Variants in CDHR1 observed in about 807,000 individuals in gnomAD.
CDHR1 encodes cadherin related family member 1.
A neutral mutation model predicts 72.1 loss-of-function variants in CDHR1; 61 were observed. The observed-to-expected ratio is 0.85, with a 90% CI of 0.69 to 1.05. CDHR1 has a LOEUF of 1.05. Ranked by LOEUF, CDHR1 falls within the 50% of genes least tolerant of loss-of-function variation. The pLI, the probability that CDHR1 is intolerant of heterozygous loss-of-function variation, is 0.00. For synonymous variants in CDHR1, 470 were observed against 448.1 expected, an observed-to-expected ratio of 1.05 and a Z score of -0.62; for missense variants, 1,186 against 1,115.7, an observed-to-expected ratio of 1.06 and a Z score of -0.90.
chr10:84,210,408 G>C (rs1372971285), intron 12 of CDHR1, among the ~76,000 whole-genome samples: 1 of 152,018 alleles, frequency 6.6e-6, no homozygotes, highest in African/African-American at 2.4e-5. Context: ...TGGGATTACA[G>C]ACACACATCA....
rs758271633 is a variant in CDHR1, at chr10:84,195,589, G to A, written c.151G>A (p.Gly51Ser). Residue 51 changes from glycine to serine, a missense_variant and splice_region_variant, in exon 2 of 17, where the codon GGC becomes AGC. By Grantham distance (56) the Gly-to-Ser change is moderately conservative. Transcript: ENST00000623527. ...CAGCCTCCCAGAGGACACCCCTGTA[G>A]GTGAGTAGCCCTGGCACCTGCTCCC... ...LFSLPEDTPV[G>S]SHVYTLNGTD... 3 of 1,613,138 alleles carry A rather than the reference G, an allele frequency of 1.9e-6. No homozygotes were observed. The highest frequency in any genetic ancestry group is 2.5e-6 in the Non-Finnish European group (3 of 1,179,176).
chr10:84,214,745 C>A lies in CDHR1; in HGVS notation c.*124C>A. The A allele has an allele frequency of 7.6e-6, 12 of 1,570,596 alleles. No individual in the cohort carries two copies. Among genetic ancestry groups the A allele is most frequent in the Non-Finnish European group, 1.0e-5 (12 of 1,166,292 alleles). On this transcript the variant is annotated 3_prime_UTR_variant, in exon 17 of 17. Transcript: ENST00000623527. ...CCCCTGTTTTGCACAATGGTATAATCCCCACTGTCCTCATCTCTACCGCCA... is the reference window on the plus strand; with the variant it reads ...CCCCTGTTTTGCACAATGGTATAATACCCACTGTCCTCATCTCTACCGCCA...
downstream of CDHR1, chr10:84,219,602 T>A: frequency 4.4e-6 from 1 of 228,854 alleles, no homozygotes; most frequent in East Asian, 8.3e-5. Flanking sequence ...TACCCGAGAC[T>A]GGGTAATTTA....
At chr10:84,195,688 C>A (rs970616879) in intron 2 of CDHR1, 99 bp downstream of exon 2, 1 of 958,128 alleles carries the variant, frequency 1.0e-6, no homozygotes, top group Admixed American at 2.0e-5. Context: ...TTGCTGCGCG[C>A]GCCCGGGGGC....
At chr10:84,208,425 C>A (rs1222576413) in intron 11 of CDHR1, 48 bp downstream of exon 11, 1 of 1,590,182 alleles carries the variant, frequency 6.3e-7, no homozygotes, top group South Asian at 1.1e-5. Context: ...CGGTATGAAG[C>A]CAAGGTCCCA....
In CDHR1 at chr10:84,194,724, T is replaced by TCGG; in HGVS notation, c.-29_-27dup. 2 of 1,460,530 alleles carry TCGG rather than the reference T, an allele frequency of 1.4e-6. No homozygotes were observed. The highest frequency in any genetic ancestry group is 2.8e-5 in the South Asian group (2 of 72,462). The allele number at this position is 1,460,530 out of a possible 1,614,324, so 90.5% of individuals were successfully genotyped here. ...ATGCTCCGTGCCCCTGCGCCCGGTC[T>TCGG]CGGCGGCGGCAGGCGACACTCCGCG... On this transcript the variant is annotated 5_prime_UTR_variant, in exon 1 of 17. Coordinates refer to ENST00000623527, the MANE Select transcript of CDHR1 (RefSeq NM_033100.4).
Position 84,215,259 on chromosome 10 carries a change from T to C in CDHR1, c.*638T>C, listed in dbSNP as rs1312826738. 2.3e-5 allele frequency: 23 copies of C among 990,226 alleles called. No individual in the cohort carries two copies. The highest frequency in any genetic ancestry group is 2.5e-5 in the Non-Finnish European group (21 of 832,926). 61.3% of individuals were successfully genotyped at this position (990,226 alleles called of 1,614,324 possible). A position where few individuals can be genotyped will look rare whatever the true frequency, so the allele number is the denominator to read the frequency against. On this transcript the variant is annotated 3_prime_UTR_variant, in exon 17 of 17. Transcript: ENST00000623527. The stretch of plus-strand genomic sequence containing the variant: ...TGGGCAGAGACTGTGGACCCTGGTA[T>C]GCCCACGTGGGACAGAGGACACAGA...
chr10:84,208,619 C>A, intron 11 of CDHR1, 110 bp from the exon 12 acceptor site: 4 of 1,214,324 alleles, frequency 3.3e-6, no homozygotes, highest in East Asian at 2.4e-5. Context: ...TGCAGAAACT[C>A]TCTTAATAAT....
At position 84,195,544 on chromosome 10, in the gene CDHR1, A is replaced by G. The variant is rs200661366; in HGVS notation, c.106A>G (p.Asn36Asp). Residue 36 changes from asparagine to aspartate, a missense_variant, in exon 2 of 17, where the codon AAC becomes GAC. Physicochemically the swap from Asn to Asp is conservative, Grantham distance 23. Transcript: ENST00000623527. ...CTTCGACAACGGGGTCGGCAGCACCAACGGAAACATGGCTCTGTTCAGCCT... is the reference window on the plus strand; with the variant it reads ...CTTCGACAACGGGGTCGGCAGCACCGACGGAAACATGGCTCTGTTCAGCCT... ...HFFDNGVGST[N>D]GNMALFSLPE... 125 of 1,614,170 alleles carry G rather than the reference A, an allele frequency of 7.7e-5. 1 individual carries two copies. The East Asian group carries it at 2.8e-3, about 36-fold the overall frequency.
intron 3 of CDHR1, 73 bp downstream of exon 3, chr10:84,196,723 G>A (rs986800960): frequency 1.9e-4 from 295 of 1,561,010 alleles, no homozygotes; most frequent in Admixed American, 5.3e-4. Flanking sequence ...AGTTCCCCTG[G>A]AGCACATTGG....
chr10:84,211,981 A>C (rs1385986898), intron 14 of CDHR1, among the ~76,000 whole-genome samples, 198 bp from the exon 15 acceptor site: 1 of 152,206 alleles, frequency 6.6e-6, no homozygotes, highest in Non-Finnish European at 1.5e-5. Flanking sequence ...TAAGCTGGAT[A>C]GTGATAGATG....
chr10:84,214,671 C>A lies in CDHR1; in HGVS notation c.*50C>A. ...TTCCTCCGCCCCTGACCCCCACCACCCTGCTGCTCGGACTATGCTCCCCTT... is the reference window on the plus strand; with the variant it reads ...TTCCTCCGCCCCTGACCCCCACCACACTGCTGCTCGGACTATGCTCCCCTT... On this transcript the variant is annotated 3_prime_UTR_variant, in exon 17 of 17. Coordinates refer to ENST00000623527, the MANE Select transcript of CDHR1 (RefSeq NM_033100.4). The A allele has an allele frequency of 6.3e-7, 1 of 1,598,290 alleles. No homozygotes were observed. The highest frequency in any genetic ancestry group is 8.5e-7 in the Non-Finnish European group (1 of 1,179,402).
chr10:84,203,571 T>C (rs1564659565), intron 8 of CDHR1, among the ~76,000 whole-genome samples: 1 of 152,172 alleles, frequency 6.6e-6, no homozygotes, highest in Admixed American at 6.5e-5. Context: ...CACACCACCA[T>C]GCTCAGCTAA....
At chr10:84,195,784 G>A (rs909627881) in intron 2 of CDHR1, among the ~76,000 whole-genome samples, 195 bp downstream of exon 2, 2 of 152,220 alleles carry the variant, frequency 1.3e-5, no homozygotes, top group Non-Finnish European at 2.9e-5. Flanking sequence ...GCCAGTCCTG[G>A]AGACCAGGGC....
chr10:84,195,416 C>G lies in CDHR1; in HGVS notation c.56-78C>G, dbSNP rs1217284954. Reference sequence around the variant, plus strand: ...CCAGTAGCTGGGCCTGACGCGGGACCGCGCTGGTGCGAAGCTCCCTCCTGG... The same window carrying G: ...CCAGTAGCTGGGCCTGACGCGGGACGGCGCTGGTGCGAAGCTCCCTCCTGG... On this transcript the variant is annotated intron_variant, in intron 1 of 16. Transcript: ENST00000623527. 7 of 1,345,068 alleles carry G rather than the reference C, an allele frequency of 5.2e-6. No homozygotes were observed. The African/African-American group carries it at 1.0e-4, about 20-fold the overall frequency. 83.3% of individuals were successfully genotyped at this position (1,345,068 alleles called of 1,614,324 possible).
chr10:84,201,893 G>T lies in CDHR1; in HGVS notation c.612G>T (p.Arg204=). The change falls in exon 7 of 17, where the codon CGG becomes CGT. Residue 204 remains arginine, a synonymous_variant. Transcript: ENST00000623527. ...CCACTCTGGACTACGAGAGGTCCCG[G>T]ACCCACTACATCACCGTGGTCGCCA... The part of the protein sequence containing the change: ...AGATLDYERS[R]THYITVVAKD... 6.2e-7 allele frequency: 1 copy of T among 1,607,342 alleles called. No homozygotes were observed.
intron 8 of CDHR1, 26 bp downstream of exon 8, chr10:84,203,149 C>G: frequency 6.2e-7 from 1 of 1,613,828 alleles, no homozygotes; most frequent in Non-Finnish European, 8.5e-7. Context: ...CCTCAGCCAG[C>G]GATCCCTCCA....
In CDHR1 at chr10:84,201,827, C is replaced by G. The variant is rs747165743; in HGVS notation, c.546C>G (p.Ala182=). ...TATAGAACCTGCACTCCCCATTTGC[C>G]GTGGACCGCCACAGCGGTGTGCTGC... ...YFLQNLHSPF[A]VDRHSGVLRL... The change falls in exon 7 of 17, where the codon GCC becomes GCG. Residue 182 remains alanine (A), a synonymous_variant. Coordinates refer to ENST00000623527, the MANE Select transcript of CDHR1 (RefSeq NM_033100.4). 6.2e-7 allele frequency: 1 copy of G among 1,610,380 alleles called. No homozygotes were observed. Among genetic ancestry groups the G allele is most frequent in the Non-Finnish European group, 8.5e-7 (1 of 1,180,002 alleles).
rs940367851 is a variant in CDHR1 at position 84,197,703 on chromosome 10, G to C, written c.298-83G>C. On this transcript the variant is annotated intron_variant, in intron 3 of 16. Transcript: ENST00000623527. Reference sequence around the variant, plus strand: ...CCAGACCTCCTCTGATGGGTGCGTGGGGCAGGGAGAGCTCCATCCAGCCAC... The same window carrying C: ...CCAGACCTCCTCTGATGGGTGCGTGCGGCAGGGAGAGCTCCATCCAGCCAC... 12 of 1,273,278 alleles carry C rather than the reference G, an allele frequency of 9.4e-6. No individual in the cohort carries two copies. In the East Asian group the frequency reaches 2.8e-4, roughly 29 times the overall value. 78.9% of individuals were successfully genotyped at this position (1,273,278 alleles called of 1,614,324 possible). A position where few individuals can be genotyped will look rare whatever the true frequency, so the allele number is the denominator to read the frequency against.
Sources: allele counts gnomAD v4.1 joint callset (sites outside exome capture counted in the v4.1 genomes callset), GRCh38; gene constraint gnomAD v4.1.1; transcripts MANE v1.5; gene names NCBI Gene and HGNC (gene_info 2026-07-23, HGNC 2026-07-21).